YJU2B: variants seen among roughly 807,000 people sequenced by gnomAD.
The protein encoded by YJU2B is probable splicing factor YJU2B.
In YJU2B, 18 loss-of-function variants were observed where a neutral mutation model predicts 38.0. The ratio of observed to expected loss-of-function variants is 0.47; its 90% CI spans 0.33 to 0.70. YJU2B has a LOEUF of 0.70. Among genes scored for constraint, YJU2B ranks in the 30% least tolerant of loss-of-function variants. The pLI, the probability that YJU2B is intolerant of heterozygous loss-of-function variation, is 0.02. For missense variants in YJU2B, 538 were observed against 556.3 expected, an observed-to-expected ratio of 0.97 and a Z score of 0.33; for synonymous variants, 246 against 225.4, an observed-to-expected ratio of 1.09 and a Z score of -0.82.
At chr19:13,741,683 T>C (rs1313840496) in intron 2 of YJU2B, among the ~76,000 whole-genome samples, 1 of 151,904 alleles carries the variant, frequency 6.6e-6, no homozygotes, top group Non-Finnish European at 1.5e-5. Context: ...GCTGCAGTGA[T>C]TGCACCACTG....
chr19:13,762,630 C>G lies in YJU2B; in HGVS notation c.753C>G (p.Ile251Met), dbSNP rs756287353. 40 of 1,536,462 alleles carry G rather than the reference C, an allele frequency of 2.6e-5. No individual in the cohort carries two copies. The highest frequency in any genetic ancestry group is 3.3e-5 in the Non-Finnish European group (38 of 1,150,356). ...DKQKLKRTEIISRSWFPSAPG... is the reference protein window; with the variant it reads ...DKQKLKRTEIMSRSWFPSAPG... ...AGAAACTCAAGCGGACCGAGATCAT[C>G]AGCCGCTCCTGGTTCCCCTCTGCCC... The change falls in exon 10 of 10, where the codon ATC (isoleucine) becomes ATG (methionine). Residue 251 changes from isoleucine (I) to methionine (M), a missense_variant. Physicochemically the swap from Ile to Met is conservative, Grantham distance 10. Transcript: ENST00000221554.
At chr19:13,741,524 A>G (rs1476781795) in intron 2 of YJU2B, among the ~76,000 whole-genome samples, 2 of 151,336 alleles carry the variant, frequency 1.3e-5, no homozygotes, top group African/African-American at 2.4e-5. Context: ...TGACTTGAGC[A>G]CAGGAGCCCA....
chr19:13,757,749 G>A (rs747156828), intron 5 of YJU2B, 37 bp from the exon 6 acceptor site: 1 of 1,604,250 alleles, frequency 6.2e-7, no homozygotes, highest in South Asian at 1.1e-5. Flanking sequence ...AATTCAGATG[G>A]CAATGAAATT....
chr19:13,754,149 G>C, intron 2 of YJU2B, 140 bp from the exon 3 acceptor site: 1 of 666,476 alleles, frequency 1.5e-6, no homozygotes, highest in Non-Finnish European at 2.7e-6. Flanking sequence ...TCCAGCATGG[G>C]TGACAGAGCA....
At chr19:13,740,681 C>T (rs1310376166) in intron 2 of YJU2B, among the ~76,000 whole-genome samples, 1 of 152,064 alleles carries the variant, frequency 6.6e-6, no homozygotes, top group Admixed American at 6.6e-5. Flanking sequence ...GGATTACATG[C>T]GTGCGCCACC....
In YJU2B at chr19:13,756,282, A is replaced by G; in HGVS notation, c.140+3A>G. ...TCACAGGGCATCCTCATCATCCGGTAAGGCCCAGCATCACCTGAGGACCCC... is the reference window on the plus strand; with the variant it reads ...TCACAGGGCATCCTCATCATCCGGTGAGGCCCAGCATCACCTGAGGACCCC... On this transcript the variant is annotated splice_donor_region_variant and intron_variant, in intron 4 of 9. Transcript: ENST00000221554. 6.2e-7 allele frequency: 1 copy of G among 1,613,046 alleles called. No individual in the cohort carries two copies. Among genetic ancestry groups the G allele is most frequent in the Non-Finnish European group, 8.5e-7 (1 of 1,179,118 alleles).
chr19:13,757,493 C>A lies in YJU2B; in HGVS notation c.196+20C>A, dbSNP rs992986553. ...GCATGGGTGAGCCTCTGCCCACCCT[C>A]CATTCAGTCCTGCAAACATCAGACC... On this transcript the variant is annotated intron_variant, in intron 5 of 9. Coordinates refer to ENST00000221554, the MANE Select transcript of YJU2B (RefSeq NM_030818.4). 2.5e-6 allele frequency: 4 copies of A among 1,607,802 alleles called. No individual in the cohort carries two copies. The highest frequency in any genetic ancestry group is 2.2e-5 in the South Asian group (2 of 90,922).
Position 13,762,611 on chromosome 19 carries a change from T to G in YJU2B, c.734T>G (p.Leu245Arg). The change falls in exon 10 of 10, where the codon CTC becomes CGC. Residue 245 changes from leucine (L) to arginine (R), a missense_variant. Coordinates refer to ENST00000221554, the MANE Select transcript of YJU2B (RefSeq NM_030818.4). ...TLDSYEDKQKLKRTEIISRSW... is the reference protein window; with the variant it reads ...TLDSYEDKQKRKRTEIISRSW... ...CTAGCCTACGAGGACAAGCAGAAAC[T>G]CAAGCGGACCGAGATCATCAGCCGC... The G allele has an allele frequency of 6.5e-7, 1 of 1,527,686 alleles. No homozygotes were observed. Among genetic ancestry groups the G allele is most frequent in the Non-Finnish European group, 8.7e-7 (1 of 1,145,758 alleles). The allele number at this position is 1,527,686 out of a possible 1,614,324, so 94.6% of individuals were successfully genotyped here.
At chr19:13,749,684 G>A (rs956250819) in intron 1 of YJU2B, among the ~76,000 whole-genome samples, 14 of 148,190 alleles carry the variant, frequency 9.4e-5, no homozygotes, top group African/African-American at 3.5e-4. Flanking sequence ...CCAGGCTGGA[G>A]TGTGGTGGCG....
chr19:13,755,592 G>A lies in YJU2B; in HGVS notation c.58-605G>A, dbSNP rs545564446. On this transcript the variant is annotated intron_variant, in intron 3 of 9. Transcript: ENST00000221554. ...ACCATTATACGTAGTTGACAGACAA[G>A]GGAAACAGAGGCTCGGGAAGGCAAA... Among the ~76,000 whole-genome samples the A allele has an allele frequency of 3.9e-5, 6 of 152,208 alleles. No homozygotes were observed. The East Asian group carries it at 1.2e-3, about 29-fold the overall frequency.
intron 5 of YJU2B, 126 bp downstream of exon 5, chr19:13,757,599 T>C: frequency 9.3e-7 from 1 of 1,076,718 alleles, no homozygotes; most frequent in Non-Finnish European, 1.4e-6. Context: ...CCCGAGTGAC[T>C]GGCTGGCCAT....
intron 2 of YJU2B, among the ~76,000 whole-genome samples, 192 bp from the exon 3 acceptor site, chr19:13,754,097 G>C (rs568239605): frequency 2.6e-5 from 4 of 152,090 alleles, no homozygotes; most frequent in African/African-American, 9.7e-5. Context: ...GCCTGAACTC[G>C]GGAAACGGAG....
At chr19:13,736,261 T>C (rs1393449544) in intron 2 of YJU2B, among the ~76,000 whole-genome samples, 8 of 138,904 alleles carry the variant, frequency 5.8e-5, no homozygotes, top group South Asian at 2.4e-4. Flanking sequence ...TTTCTTTTTT[T>C]TTTTTTTTTT....
intron 8 of YJU2B, among the ~76,000 whole-genome samples, chr19:13,760,323 A>G (rs1045901960): frequency 6.6e-6 from 1 of 152,156 alleles, no homozygotes; most frequent in South Asian, 2.1e-4. Context: ...CCCATTTCTC[A>G]TAGGCGGTGG....
chr19:13,756,944 T>C (rs1163884046), intron 4 of YJU2B, among the ~76,000 whole-genome samples: 1 of 145,432 alleles, frequency 6.9e-6, no homozygotes, highest in Non-Finnish European at 1.5e-5. Flanking sequence ...GCCACTGTAC[T>C]GCAGCCTGGC....
intron 2 of YJU2B, among the ~76,000 whole-genome samples, chr19:13,738,311 C>T (rs1295305663): frequency 6.6e-6 from 1 of 152,214 alleles, no homozygotes; most frequent in Non-Finnish European, 1.5e-5. Context: ...ATGGCATCAT[C>T]ACAGCTCTTA....
At chr19:13,737,666 TCCCA>T (rs1972989531) in intron 2 of YJU2B, among the ~76,000 whole-genome samples, 1 of 150,952 alleles carries the variant, frequency 6.6e-6, no homozygotes, top group Non-Finnish European at 1.5e-5. Context: ...GCGCCTGTAA[TCCCA>T]GCTACTCAGG....
At chr19:13,762,547 C>G (rs746228629) in intron 9 of YJU2B, 43 bp from the exon 10 acceptor site, 1 of 1,534,648 alleles carries the variant, frequency 6.5e-7, no homozygotes, top group Non-Finnish European at 8.7e-7. Flanking sequence ...AGTTCTGGAC[C>G]CCCTCCCCTG....
At chr19:13,761,965 C>T (rs1192111729) in intron 8 of YJU2B, among the ~76,000 whole-genome samples, 1 of 151,964 alleles carries the variant, frequency 6.6e-6, no homozygotes, top group African/African-American at 2.4e-5. Flanking sequence ...CTCAAGGGAT[C>T]CACCCGCCTC....
Sources: allele counts gnomAD v4.1 joint callset (sites outside exome capture counted in the v4.1 genomes callset), GRCh38; gene constraint gnomAD v4.1.1; transcripts MANE v1.5; gene names NCBI Gene and HGNC (gene_info 2026-07-23, HGNC 2026-07-21).